Variants in NR5A2 observed in about 807,000 individuals in gnomAD.
The protein encoded by NR5A2 is nuclear receptor subfamily 5 group A member 2, also known as CYP7A promoter-binding factor.
Under a neutral mutation model 62.7 loss-of-function variants are expected in NR5A2, and 26 were observed. That is an observed-to-expected ratio of 0.41 (90% CI 0.30 to 0.58). The LOEUF (loss-of-function observed/expected upper bound fraction) is 0.58, where lower values mean the gene tolerates loss of function less well. Ranked by LOEUF, NR5A2 falls within the 20% of genes least tolerant of loss-of-function variation. The pLI is 0.22. For missense variants in NR5A2, 541 were observed against 669.1 expected (o/e 0.81, Z 2.11); for synonymous variants, 246 against 241.7 (o/e 1.02, Z -0.16).
intron 5 of NR5A2, among the ~76,000 whole-genome samples, chr1:200,058,848 G>C (rs1663052781): frequency 6.8e-6 from 1 of 147,556 alleles, no homozygotes; most frequent in African/African-American, 2.5e-5. Flanking sequence ...GGTGGCTCAT[G>C]CCTGTGATCC....
At chr1:200,128,675 G>A (rs759447939) in intron 7 of NR5A2, among the ~76,000 whole-genome samples, 14 of 152,200 alleles carry the variant, frequency 9.2e-5, no homozygotes, top group Non-Finnish European at 1.3e-4. Flanking sequence ...TTAGGTGGAC[G>A]AGCTCCCTGG....
chr1:200,090,961 C>T (rs553376369), intron 5 of NR5A2, among the ~76,000 whole-genome samples: 1 of 152,288 alleles, frequency 6.6e-6, no homozygotes, highest in East Asian at 1.9e-4. Flanking sequence ...CCATCCTGAG[C>T]CTTGACCACA....
At chr1:200,168,272 C>T (rs530866954) in intron 7 of NR5A2, among the ~76,000 whole-genome samples, 2 of 150,286 alleles carry the variant, frequency 1.3e-5, no homozygotes, top group South Asian at 2.1e-4. Flanking sequence ...AGTGCAGTGG[C>T]ACAATTACAG....
intron 7 of NR5A2, among the ~76,000 whole-genome samples, chr1:200,146,927 T>C (rs1667726839): frequency 1.3e-5 from 2 of 151,748 alleles, no homozygotes; most frequent in South Asian, 4.2e-4. Flanking sequence ...GAACGGAAAA[T>C]GTATCCTTAT....
intron 5 of NR5A2, among the ~76,000 whole-genome samples, chr1:200,095,646 G>C (rs1558135150): frequency 6.6e-6 from 1 of 151,568 alleles, no homozygotes; most frequent in South Asian, 2.1e-4. Context: ...TCCACCTCCT[G>C]GGTTCACGCC....
intron 5 of NR5A2, among the ~76,000 whole-genome samples, chr1:200,080,767 A>C (rs1053887674): frequency 1.3e-5 from 2 of 152,238 alleles, no homozygotes; most frequent in African/African-American, 4.8e-5. Flanking sequence ...TATTGGACAA[A>C]TGATCAGATA....
chr1:200,056,681 C>T lies in NR5A2; in HGVS notation c.1110+7863C>T, dbSNP rs149277487. Among the ~76,000 whole-genome samples, 684 of 152,258 alleles carry T rather than the reference C, an allele frequency of 4.5e-3. 3 individuals are homozygous for T. The highest frequency in any genetic ancestry group is 0.016 in the African/African-American group (644 of 41,526). The stretch of plus-strand genomic sequence containing the variant: ...ACTAATAGTTTCCATGGAAACATAT[C>T]CTCCATGGGGCGCTGGGATATTTGG... On this transcript the variant is annotated intron_variant, in intron 5 of 7. Transcript: ENST00000367362.
intron 4 of NR5A2, among the ~76,000 whole-genome samples, chr1:200,047,636 G>T (rs1179200587): frequency 6.6e-6 from 1 of 151,266 alleles, no homozygotes; most frequent in East Asian, 1.9e-4. Flanking sequence ...GAGTGCAGTG[G>T]TGTGATCTTG....
chr1:200,042,879 C>T (rs1464044091), intron 2 of NR5A2: 4 of 985,422 alleles, frequency 4.1e-6, no homozygotes, highest in Admixed American at 6.1e-5. Flanking sequence ...GCGTCCGGAG[C>T]AAGGCGGTTA....
At chr1:200,100,955 A>C (rs1405295826) in intron 5 of NR5A2, among the ~76,000 whole-genome samples, 3 of 152,050 alleles carry the variant, frequency 2.0e-5, no homozygotes, top group Non-Finnish European at 4.4e-5. Context: ...GCTGATCCTG[A>C]TCCTTGGCTT....
At position 200,048,053 on chromosome 1, in the gene NR5A2, G is replaced by A. The variant is rs188182781; in HGVS notation, c.464-119G>A. On this transcript the variant is annotated intron_variant, in intron 4 of 7. Coordinates refer to ENST00000367362, the MANE Select transcript of NR5A2 (RefSeq NM_205860.3). This position sits in a 1 kb window ranked among gnomAD's most constrained non-coding sequence, Gnocchi z 4.8. ...GGAAATCTTTGTGGGCTATTGTAAC[G>A]AAAACAACCACACACATACCACTTC... is the stretch of plus-strand genomic sequence containing the variant. 6 of 956,468 alleles carry A rather than the reference G, an allele frequency of 6.3e-6. No individual in the cohort carries two copies. The highest frequency in any genetic ancestry group is 2.5e-5 in the East Asian group (1 of 39,644). 59.2% of individuals were successfully genotyped at this position (956,468 alleles called of 1,614,324 possible).
chr1:200,144,229 T>TCACACACACACACA (rs770054105), intron 7 of NR5A2, among the ~76,000 whole-genome samples: 2 of 127,012 alleles, frequency 1.6e-5, no homozygotes, highest in African/African-American at 6.5e-5. Flanking sequence ...TCTCTCTCTC[T>TCACACACACACACA]CTCTCACACA....
chr1:200,030,854 T>C (rs1437047973), intron 1 of NR5A2, among the ~76,000 whole-genome samples: 2 of 152,244 alleles, frequency 1.3e-5, no homozygotes, highest in Non-Finnish European at 2.9e-5. Flanking sequence ...GCAAACACTG[T>C]ATTGAGTCTG....
intron 1 of NR5A2, chr1:200,028,940 T>C (rs1485598251): frequency 2.9e-6 from 1 of 347,362 alleles, no homozygotes; most frequent in Non-Finnish European, 5.8e-6. Context: ...GTATATCACT[T>C]GAGGAAATGT....
At chr1:200,071,438 A>G (rs1387089108) in intron 5 of NR5A2, among the ~76,000 whole-genome samples, 1 of 152,230 alleles carries the variant, frequency 6.6e-6, no homozygotes, top group Non-Finnish European at 1.5e-5. Flanking sequence ...CTAGGTAAAA[A>G]CACATTGAAA....
Position 200,108,081 on chromosome 1 carries a change from C to CGTGTGTGTGTGTGTGTGTGTGT in NR5A2, c.1111-3108_1111-3087dup, listed in dbSNP as rs71132660. 1.2e-3 allele frequency among the ~76,000 whole-genome samples: 176 copies of CGTGTGTGTGTGTGTGTGTGTGT among 146,870 alleles called. 3 individuals carry two copies. The highest frequency in any genetic ancestry group is 9.4e-3 in the East Asian group (45 of 4,792). ...TGATGAGATGGCTCTAGAAGACATA[C>CGTGTGTGTGTGTGTGTGTGTGT]GTGTGTGTGTGTGTGTGTGTGTGTG... On this transcript the variant is annotated intron_variant, in intron 5 of 7. Transcript: ENST00000367362.
In NR5A2 at chr1:200,147,453, T is replaced by C; in HGVS notation, c.1378+26498T>C. On this transcript the variant is annotated intron_variant, in intron 7 of 7. Coordinates refer to ENST00000367362, the MANE Select transcript of NR5A2 (RefSeq NM_205860.3). The surrounding 1 kb of genome is among the most constrained non-coding windows in gnomAD (Gnocchi z 4.9). ...CTGTTTATGGGGCTGCCTCCTCCAG[T>C]ACACGGAGAGCTCTTTGAGGCAAGG... The C allele has an allele frequency of 1.8e-6, 1 of 558,196 alleles. No individual in the cohort carries two copies. 34.6% of individuals were successfully genotyped at this position (558,196 alleles called of 1,614,324 possible).
rs957763507 is a variant in NR5A2 at position 200,111,982 on chromosome 1, G to A, written c.1230+661G>A. 2.6e-5 allele frequency among the ~76,000 whole-genome samples: 4 copies of A among 151,874 alleles called. No individual in the cohort carries two copies. The South Asian group carries it at 6.2e-4, about 24-fold the overall frequency. ...AAAATAAAAAGGTTCCTGCCCCTGC[G>A]GAACTTAATGTTGTAGCAGGGAGAA... On this transcript the variant is annotated intron_variant, in intron 6 of 7. Transcript: ENST00000367362.
At chr1:200,118,104 C>A (rs1408714161) in intron 6 of NR5A2, among the ~76,000 whole-genome samples, 1 of 146,818 alleles carries the variant, frequency 6.8e-6, no homozygotes, top group African/African-American at 2.5e-5. Flanking sequence ...GCAACATCTG[C>A]CTCCTGGGTT....
Sources: gnomAD v4.1 joint callset for allele counts (sites outside exome capture counted in the v4.1 genomes callset) on GRCh38, gnomAD v4.1.1 for gene constraint, Gnocchi (gnomAD v3.1) non-coding constraint, MANE v1.5 for transcripts, NCBI Gene and HGNC (gene_info 2026-07-23, HGNC 2026-07-21) for gene names.